ZNF208: variants seen among roughly 807,000 people sequenced by gnomAD.
ZNF208 encodes the protein zinc finger protein 95.
Under a neutral mutation model 12.1 loss-of-function variants are expected in ZNF208, and 10 were observed. That is an observed-to-expected ratio of 0.83 (90% confidence interval 0.51 to 1.40). The LOEUF is 1.40. Ranked by LOEUF, ZNF208 falls within the 40% of genes most tolerant of loss-of-function variation. The probability of loss-of-function intolerance (pLI) is 0.00; values close to 1 mark genes in which losing one functional copy is unlikely to be tolerated. For missense variants in ZNF208, 1,652 were observed against 1,485.0 expected (o/e 1.11, Z -1.85); for synonymous variants, 497 against 488.4 (o/e 1.02, Z -0.23).
intron 1 of ZNF208, among the ~76,000 whole-genome samples, chr19:22,007,606 A>G (rs1321475286): frequency 1.3e-5 from 2 of 151,900 alleles, no homozygotes; most frequent in African/African-American, 2.4e-5. Flanking sequence ...AATAAAATAT[A>G]TAATTAGATA....
At chr19:21,987,685 C>G (rs1179710180) in intron 2 of ZNF208, among the ~76,000 whole-genome samples, 1 of 152,172 alleles carries the variant, frequency 6.6e-6, no homozygotes, top group Admixed American at 6.5e-5. Flanking sequence ...CCCCCAACAG[C>G]TGCTCTCCGG....
At chr19:21,995,411 C>T (rs1970816514) in intron 1 of ZNF208, among the ~76,000 whole-genome samples, 1 of 152,142 alleles carries the variant, frequency 6.6e-6, no homozygotes, top group Non-Finnish European at 1.5e-5. Flanking sequence ...GTGAAACAAA[C>T]ACGAGATGAC....
intron 1 of ZNF208, among the ~76,000 whole-genome samples, chr19:22,007,959 G>A: frequency 7.4e-6 from 1 of 135,664 alleles, no homozygotes; most frequent in African/African-American, 2.9e-5. Flanking sequence ...AGCCGAGATT[G>A]CACCACTGCA....
intron 3 of ZNF208, among the ~76,000 whole-genome samples, chr19:21,984,561 A>AAAAC (rs777128656): frequency 2.0e-5 from 3 of 151,788 alleles, no homozygotes; most frequent in African/African-American, 7.3e-5. Flanking sequence ...CAAAAAAACA[A>AAAAC]AAACAAACAA....
intron 1 of ZNF208, among the ~76,000 whole-genome samples, chr19:21,999,673 A>T (rs1408895414): frequency 6.6e-6 from 1 of 152,190 alleles, no homozygotes; most frequent in Non-Finnish European, 1.5e-5. Context: ...AAAGACAAAA[A>T]AAAAACCAAT....
At position 21,973,279 on chromosome 19, in the gene ZNF208, T is replaced by C. The variant is rs764584898; in HGVS notation, c.1755A>G (p.Glu585=). The change falls in exon 4 of 4, where the codon GAA becomes GAG. Residue 585 remains glutamate, a synonymous_variant. Transcript: ENST00000397126. ...CAGATTGGTTAAAAGCTTTGCCACA[T>C]TCTTCACATTTGTAGGGTTTCTCTA... ...HTVEKPYKCE[E]CGKAFNQSAI... 3 of 1,611,344 alleles carry C rather than the reference T, an allele frequency of 1.9e-6. No individual in the cohort carries two copies. The highest frequency in any genetic ancestry group is 2.5e-6 in the Non-Finnish European group (3 of 1,178,586).
At chr19:21,948,747 C>A (rs934382724) in intron 4 of ZNF208, among the ~76,000 whole-genome samples, 1 of 151,678 alleles carries the variant, frequency 6.6e-6, no homozygotes, top group African/African-American at 2.4e-5. Flanking sequence ...TGCTTTTAAG[C>A]CAAACCCTAA....
At chr19:21,950,695 A>G (rs1300550690) in intron 4 of ZNF208, among the ~76,000 whole-genome samples, 2 of 151,896 alleles carry the variant, frequency 1.3e-5, no homozygotes, top group Non-Finnish European at 2.9e-5. Context: ...GGGTTTCACC[A>G]TGTTGGCCAG....
At chr19:21,959,264 T>C (rs940314914) in intron 4 of ZNF208, among the ~76,000 whole-genome samples, 4 of 152,218 alleles carry the variant, frequency 2.6e-5, no homozygotes, top group Non-Finnish European at 5.9e-5. Flanking sequence ...AAAATCATTC[T>C]GGGTATGTTT....
At chr19:21,996,054 A>G (rs1970831346) in intron 1 of ZNF208, among the ~76,000 whole-genome samples, 1 of 152,188 alleles carries the variant, frequency 6.6e-6, no homozygotes, top group Non-Finnish European at 1.5e-5. Context: ...TTTGGGTGTT[A>G]CAGCAAGTAG....
rs1188923969 is a variant in ZNF208 at position 21,969,473 on chromosome 19, A to T, written c.*1718T>A. Among the ~76,000 whole-genome samples, 1 of 152,198 alleles carries T rather than the reference A, an allele frequency of 6.6e-6. No homozygotes were observed. Among genetic ancestry groups the T allele is most frequent in the Non-Finnish European group, 1.5e-5 (1 of 68,032 alleles). On this transcript the variant is annotated 3_prime_UTR_variant, in exon 4 of 4. Transcript: ENST00000397126. ...TTGAGTGACAGGTATTTCTACTGTG[A>T]ATTAGCTGATATTTACATAAACTTA...
intron 4 of ZNF208, among the ~76,000 whole-genome samples, chr19:21,942,210 T>G (rs1969752273): frequency 6.6e-6 from 1 of 152,140 alleles, no homozygotes; most frequent in African/African-American, 2.4e-5. Context: ...TTTCTTGATA[T>G]TTTACTACAG....
intron 4 of ZNF208, among the ~76,000 whole-genome samples, chr19:21,958,914 C>A (rs1283996567): frequency 3.9e-5 from 6 of 152,062 alleles, no homozygotes; most frequent in South Asian, 2.1e-4. Flanking sequence ...GAGTCAGTGC[C>A]TCATAACCAC....
chr19:22,005,370 G>A (rs765769055), intron 1 of ZNF208, among the ~76,000 whole-genome samples: 1 of 152,166 alleles, frequency 6.6e-6, no homozygotes, highest in South Asian at 2.1e-4. Flanking sequence ...CAAAGAACAA[G>A]GGGCAGTGTG....
rs780146664 is a variant in ZNF208, at chr19:21,973,507, G to A, written c.1527C>T (p.Ser509=). The stretch of plus-strand genomic sequence containing the variant: ...TTCTCTTATGTTCCATAAGGTTTGA[G>A]GACCAGTTGAAAGCTTTGCCACATT... ...CEECGKAFNW[S]SNLMEHKRIH... is the part of the protein sequence containing the mutation. Residue 509 remains serine, a synonymous_variant, in exon 4 of 4, where the codon TCC becomes TCT. Transcript: ENST00000397126. 6.2e-7 allele frequency: 1 copy of A among 1,612,708 alleles called. No individual in the cohort carries two copies. The highest frequency in any genetic ancestry group is 8.5e-7 in the Non-Finnish European group (1 of 1,179,644).
At chr19:21,995,335 C>G (rs1411528279) in intron 1 of ZNF208, among the ~76,000 whole-genome samples, 1 of 152,030 alleles carries the variant, frequency 6.6e-6, no homozygotes, top group East Asian at 1.9e-4. Context: ...GATTTTTTAC[C>G]CAAGTACCAG....
Position 21,975,000 on chromosome 19 carries a change from T to A in ZNF208, c.227-193A>T, listed in dbSNP as rs1402903429. Among the ~76,000 whole-genome samples the A allele has an allele frequency of 2.6e-5, 4 of 152,190 alleles. No homozygotes were observed. The South Asian group carries it at 8.3e-4, about 32-fold the overall frequency. On this transcript the variant is annotated intron_variant, in intron 3 of 3. Coordinates refer to ENST00000397126, the MANE Select transcript of ZNF208 (RefSeq NM_007153.3). ...CCGAAATACATATGTGGATAATTTA[T>A]ACATGAGTTAAGTGTGTGCAGTGCC...
chr19:21,972,615 A>G lies in ZNF208; in HGVS notation c.2419T>C (p.Cys807Arg), dbSNP rs778893103. 1.2e-6 allele frequency: 2 copies of G among 1,613,336 alleles called. No individual in the cohort carries two copies. The highest frequency in any genetic ancestry group is 4.5e-5 in the East Asian group (2 of 44,790). ...CTAAAGGTTTTGCCACATTCTTCAC[A>G]TTTGTAGGGTTTCTCATCAGTATGA... ...RIHTDEKPYKCEECGKTFSKV... is the reference protein window; with the variant it reads ...RIHTDEKPYKREECGKTFSKV... Residue 807 changes from cysteine to arginine, a missense_variant, in exon 4 of 4, where the codon TGT (cysteine) becomes CGT (arginine). By Grantham distance (180) the Cys-to-Arg change is radical. This residue lies in a region of ZNF208 where 1,239 missense variants were observed against 1,086.2 expected (regional missense o/e 1.14). Coordinates refer to ENST00000397126, the MANE Select transcript of ZNF208 (RefSeq NM_007153.3).
intron 4 of ZNF208, chr19:21,940,222 C>A (rs1193665824): frequency 6.6e-6 from 1 of 152,094 alleles, no homozygotes; most frequent in Non-Finnish European, 1.5e-5. Flanking sequence ...AACGTGTGTG[C>A]TCAACACACA....
Sources: allele counts gnomAD v4.1 joint callset (sites outside exome capture counted in the v4.1 genomes callset), GRCh38; gene constraint gnomAD v4.1.1; regional missense constraint gnomAD v4.1.1; transcripts MANE v1.5; gene names NCBI Gene and HGNC (gene_info 2026-07-23, HGNC 2026-07-21).